Variants in RAD17 observed in about 807,000 individuals in gnomAD.
RAD17 encodes the protein cell cycle checkpoint protein RAD17.
RAD17 carries 31 observed loss-of-function variants against 81.5 expected under a neutral mutation model. The observed-to-expected ratio is 0.38, with a 90% CI of 0.29 to 0.51. The LOEUF (loss-of-function observed/expected upper bound fraction) is 0.51, where lower values mean the gene tolerates loss of function less well. Ranked by LOEUF, RAD17 falls within the 20% of genes least tolerant of loss-of-function variation. The pLI is 0.88. For synonymous variants in RAD17, 261 were observed against 266.2 expected (o/e 0.98, Z 0.19); for missense variants, 681 against 781.2 (o/e 0.87, Z 1.53).
intron 17 of RAD17, among the ~76,000 whole-genome samples, chr5:69,405,117 G>A (rs1414884673): frequency 2.6e-5 from 4 of 152,176 alleles, no homozygotes; most frequent in Non-Finnish European, 5.9e-5. Context: ...GATAACAAAC[G>A]TTGGCTAGGG....
At chr5:69,387,041 C>T (rs941130105) in intron 11 of RAD17, among the ~76,000 whole-genome samples, 8 of 151,652 alleles carry the variant, frequency 5.3e-5, no homozygotes, top group Non-Finnish European at 8.8e-5. Flanking sequence ...CCTCCCACCT[C>T]AGCCTCCCAA....
At chr5:69,369,692 G>A, upstream of RAD17, 1 of 1,553,464 alleles carries the variant, frequency 6.4e-7, no homozygotes, top group Non-Finnish European at 8.7e-7. Context: ...CGCAAAGTTG[G>A]AGGGTGGGCA....
chr5:69,404,277 T>C (rs1386905799), intron 17 of RAD17, among the ~76,000 whole-genome samples: 1 of 152,166 alleles, frequency 6.6e-6, no homozygotes, highest in Non-Finnish European at 1.5e-5. Context: ...GAAAAGCCTC[T>C]GCACAGCAAA....
At chr5:69,406,621 C>T (rs1168408) in intron 17 of RAD17, among the ~76,000 whole-genome samples, 72,695 of 151,720 alleles carry the variant, frequency 0.48, 17,550 homozygotes, top group South Asian at 0.53. Context: ...CCTACCTCAG[C>T]CTACTGAGTA....
chr5:69,400,805 G>A (rs1358543805), intron 17 of RAD17, among the ~76,000 whole-genome samples: 1 of 152,012 alleles, frequency 6.6e-6, no homozygotes, highest in African/African-American at 2.4e-5. Flanking sequence ...GTGGTGGCAT[G>A]CGCTTGTAAT....
intron 4 of RAD17, 112 bp from the exon 5 acceptor site, chr5:69,373,718 A>AT: frequency 1.6e-5 from 2 of 127,844 alleles, no homozygotes; most frequent in East Asian, 1.6e-4. Flanking sequence ...TTTTTTTTTA[A>AT]GTTTTAAAGG....
At chr5:69,378,430 A>T (rs1488364323) in intron 6 of RAD17, among the ~76,000 whole-genome samples, 2 of 152,192 alleles carry the variant, frequency 1.3e-5, no homozygotes, top group African/African-American at 4.8e-5. Flanking sequence ...CTCTGTCAGA[A>T]AACAGGCACT....
chr5:69,404,375 T>C (rs1401169584), intron 17 of RAD17, among the ~76,000 whole-genome samples: 1 of 152,144 alleles, frequency 6.6e-6, no homozygotes, highest in African/African-American at 2.4e-5. Context: ...AATCAAAATA[T>C]ATAAGGAACT....
At chr5:69,412,654 G>A (rs992506712) in intron 18 of RAD17, among the ~76,000 whole-genome samples, 13 of 151,972 alleles carry the variant, frequency 8.6e-5, no homozygotes, top group African/African-American at 3.1e-4. Flanking sequence ...CCTAACCCTT[G>A]CCACCACTGG....
intron 3 of RAD17, among the ~76,000 whole-genome samples, 172 bp from the exon 4 acceptor site, chr5:69,371,862 G>A (rs1763029213): frequency 6.6e-6 from 1 of 152,202 alleles, no homozygotes; most frequent in Non-Finnish European, 1.5e-5. Context: ...CTGCTTCTTA[G>A]AAGTAATGTA....
At chr5:69,381,340 G>T (rs1763845015) in intron 6 of RAD17, among the ~76,000 whole-genome samples, 1 of 152,024 alleles carries the variant, frequency 6.6e-6, no homozygotes, top group Non-Finnish European at 1.5e-5. Context: ...AATTAGCCGG[G>T]CGTGGTGGCG....
At chr5:69,379,973 C>T (rs1209941417) in intron 6 of RAD17, among the ~76,000 whole-genome samples, 1 of 151,910 alleles carries the variant, frequency 6.6e-6, no homozygotes, top group South Asian at 2.1e-4. Context: ...CTCTGCCTCC[C>T]GGGTTCAAGC....
chr5:69,396,566 T>A lies in RAD17; in HGVS notation c.1572+20T>A, dbSNP rs751654466. 36 of 749,286 alleles carry A rather than the reference T, an allele frequency of 4.8e-5. No individual in the cohort carries two copies. Among genetic ancestry groups the A allele is most frequent in the South Asian group, 3.1e-4 (14 of 44,922 alleles). The allele number at this position is 749,286 out of a possible 1,614,324, so 46.4% of individuals were successfully genotyped here. On this transcript the variant is annotated intron_variant, in intron 16 of 18. Transcript: ENST00000354868. ...AAAAAGGTAAAAAAAAAAAAAAAAA[T>A]TCTGTACTTTCAATATGTGAACTTT...
chr5:69,414,689 T>TTAA lies in RAD17; in HGVS notation c.*398_*399insAAT, dbSNP rs1766274681. The TTAA allele has an allele frequency of 4.6e-6, 1 of 219,130 alleles. No homozygotes were observed. The highest frequency in any genetic ancestry group is 1.2e-4 in the East Asian group (1 of 8,594). 13.6% of individuals were successfully genotyped at this position (219,130 alleles called of 1,614,324 possible). A position where few individuals can be genotyped will look rare whatever the true frequency, so the allele number is the denominator to read the frequency against. On this transcript the variant is annotated 3_prime_UTR_variant, in exon 19 of 19. Coordinates refer to ENST00000354868, the MANE Select transcript of RAD17 (RefSeq NM_133338.3). ...TGTAAACTGTGTGCCTTATTTACACTTTATTGTCTCCCGCTTCTCAGATAG... is the reference window on the plus strand; with the variant it reads ...TGTAAACTGTGTGCCTTATTTACACTTAATTATTGTCTCCCGCTTCTCAGATAG...
intron 18 of RAD17, among the ~76,000 whole-genome samples, chr5:69,412,446 A>C (rs536669576): frequency 1.3e-5 from 2 of 152,084 alleles, no homozygotes; most frequent in South Asian, 4.1e-4. Flanking sequence ...GCTTTTTTTC[A>C]GCTTTTACTA....
In RAD17 at chr5:69,371,463, A is replaced by C; in HGVS notation, c.-270A>C. On this transcript the variant is annotated 5_prime_UTR_variant, in exon 3 of 19. It removes the in-frame stop codon of an upstream open reading frame in the 5' UTR. Transcript: ENST00000354868. ...CCCCCCCCCCCCCCAGGTGAATTATAGTTTAATGTACTGCAAGTCCTAAAC... is the reference window on the plus strand; with the variant it reads ...CCCCCCCCCCCCCCAGGTGAATTATCGTTTAATGTACTGCAAGTCCTAAAC... 2.8e-6 allele frequency: 1 copy of C among 354,016 alleles called. No homozygotes were observed. The highest frequency in any genetic ancestry group is 5.1e-6 in the Non-Finnish European group (1 of 197,626). The allele number at this position is 354,016 out of a possible 1,614,324, so 21.9% of individuals were successfully genotyped here. A position where few individuals can be genotyped will look rare whatever the true frequency, so the allele number is the denominator to read the frequency against.
chr5:69,392,857 A>G (rs1764632525), intron 13 of RAD17: 1 of 462,558 alleles, frequency 2.2e-6, no homozygotes, highest in African/African-American at 2.0e-5. Context: ...TTGAGATGAG[A>G]AATCAAGGGA....
rs1214607994 is a variant in RAD17 at position 69,371,117 on chromosome 5, T to C, written c.-334T>C. On this transcript the variant is annotated 5_prime_UTR_variant, in exon 2 of 19. Transcript: ENST00000354868. ...CTGTAATTTGAAATAAGGAAAACTT[T>C]AATTTTCAGTATAAAAATTGCTCAA... The C allele has an allele frequency of 4.3e-6, 2 of 464,826 alleles. No individual in the cohort carries two copies. Among genetic ancestry groups the C allele is most frequent in the South Asian group, 1.6e-5 (1 of 61,080 alleles). The allele number at this position is 464,826 out of a possible 1,614,324, so 28.8% of individuals were successfully genotyped here.
chr5:69,394,782 C>T (rs4976163), intron 15 of RAD17, among the ~76,000 whole-genome samples: 3,452 of 152,162 alleles, frequency 0.023, 99 homozygotes, highest in East Asian at 0.11. Context: ...AAAATAAGGC[C>T]GGGCTCAGTG....
Sources: gnomAD v4.1 joint callset for allele counts (sites outside exome capture counted in the v4.1 genomes callset) on GRCh38, gnomAD v4.1.1 for gene constraint, MANE v1.5 for transcripts, NCBI Gene and HGNC (gene_info 2026-07-23, HGNC 2026-07-21) for gene names.